NSD1: variants seen among roughly 807,000 people sequenced by gnomAD.
The protein encoded by NSD1 is histone-lysine N-methyltransferase, H3 lysine-36 specific.
In NSD1, 26 loss-of-function variants were observed where a neutral mutation model predicts 242.7. The observed-to-expected ratio is 0.11, with a 90% CI of 0.08 to 0.15. The LOEUF (loss-of-function observed/expected upper bound fraction) is 0.15, where lower values mean the gene tolerates loss of function less well. Ranked by LOEUF, NSD1 falls within the 10% of genes least tolerant of loss-of-function variation. The pLI is 1.00. For synonymous variants in NSD1, 1,106 were observed against 1,178.1 expected (o/e 0.94, Z 1.25); for missense variants, 2,495 against 3,272.8 (o/e 0.76, Z 5.80).
chr5:177,262,772 G>A (rs999934345), intron 14 of NSD1, among the ~76,000 whole-genome samples: 1 of 152,174 alleles, frequency 6.6e-6, no homozygotes, highest in Non-Finnish European at 1.5e-5. Flanking sequence ...CCAGCTACTT[G>A]GGAAGCTGAG....
chr5:177,184,694 GGTGTGGGTGT>G (rs933170021), intron 2 of NSD1, among the ~76,000 whole-genome samples: 3 of 151,998 alleles, frequency 2.0e-5, no homozygotes, highest in African/African-American at 4.8e-5. Context: ...ATGTCTGCCT[GGTGTGGGTGT>G]GTGTGGGTGT....
chr5:177,141,085 C>T (rs534628422), intron 2 of NSD1, among the ~76,000 whole-genome samples: 38 of 150,162 alleles, frequency 2.5e-4, no homozygotes, highest in African/African-American at 9.3e-4. Context: ...TGCAGTGGGG[C>T]GATCTCGGCT....
In NSD1 at chr5:177,266,079, C is replaced by T; in HGVS notation, c.5147-1483C>T. 3 of 1,122,332 alleles carry T rather than the reference C, an allele frequency of 2.7e-6. 1 individual carries two copies. The South Asian group carries it at 3.7e-5, about 14-fold the overall frequency. 69.5% of individuals were successfully genotyped at this position (1,122,332 alleles called of 1,614,324 possible). A position where few individuals can be genotyped will look rare whatever the true frequency, so the allele number is the denominator to read the frequency against. ...ATCTTGTAGTCTTTGTACTGCCGGT[C>T]CTCGGTGGCCGTCACATACAGTGTG... On this transcript the variant is annotated intron_variant, in intron 14 of 22. Transcript: ENST00000439151.
intron 14 of NSD1, among the ~76,000 whole-genome samples, chr5:177,264,028 A>ATTTTTTTT (rs61538775): frequency 0.013 from 1,029 of 76,322 alleles, 192 homozygotes; most frequent in African/African-American, 0.019. Context: ...CAATGAACCA[A>ATTTTTTTT]TTTTTTTTTT....
Position 177,195,707 on chromosome 5 carries a change from G to A in NSD1, c.1063+3688G>A, listed in dbSNP as rs549325955. 3.3e-5 allele frequency among the ~76,000 whole-genome samples: 5 copies of A among 152,218 alleles called. No homozygotes were observed. The South Asian group carries it at 1.0e-3, about 32-fold the overall frequency. On this transcript the variant is annotated intron_variant, in intron 3 of 22. Transcript: ENST00000439151. Reference sequence around the variant, plus strand: ...TGGTCTGAAACTCCTGGGCTCAAGCGATCTGCCCGCCTCGGCCTCCCAAAG... The same window carrying A: ...TGGTCTGAAACTCCTGGGCTCAAGCAATCTGCCCGCCTCGGCCTCCCAAAG...
chr5:177,206,156 C>A (rs1211222141), intron 4 of NSD1, among the ~76,000 whole-genome samples: 1 of 152,138 alleles, frequency 6.6e-6, no homozygotes, highest in Non-Finnish European at 1.5e-5. Context: ...TATGCCACCA[C>A]ACCTGGCTAA....
intron 2 of NSD1, among the ~76,000 whole-genome samples, chr5:177,164,523 T>A (rs934770546): frequency 6.6e-6 from 1 of 152,188 alleles, no homozygotes; most frequent in African/African-American, 2.4e-5. Context: ...TGTAATCGTT[T>A]ATTAACAATC....
At chr5:177,291,858 A>G in intron 21 of NSD1, 96 bp from the exon 22 acceptor site, 2 of 1,118,988 alleles carry the variant, frequency 1.8e-6, no homozygotes, top group Non-Finnish European at 2.7e-6. Flanking sequence ...CTCTTTTCCC[A>G]GAGAAGAGAA....
At position 177,286,362 on chromosome 5, in the gene NSD1, A is replaced by G. The variant is rs1028024979; in HGVS notation, c.6151+2434A>G. Among the ~76,000 whole-genome samples, 10 of 152,210 alleles carry G rather than the reference A, an allele frequency of 6.6e-5. No homozygotes were observed. The South Asian group carries it at 1.0e-3, about 16-fold the overall frequency. ...ATGATGACACCAAGGACACTTGAGC[A>G]TCACTGTGCACTGCACTCTGCTTAT... On this transcript the variant is annotated intron_variant, in intron 20 of 22. Coordinates refer to ENST00000439151, the MANE Select transcript of NSD1 (RefSeq NM_022455.5).
chr5:177,184,406 G>A (rs1043669958), intron 2 of NSD1, among the ~76,000 whole-genome samples: 12 of 152,002 alleles, frequency 7.9e-5, no homozygotes, highest in African/African-American at 2.9e-4. Context: ...TTTGCCATTC[G>A]TATGTCTTTT....
intron 3 of NSD1, among the ~76,000 whole-genome samples, chr5:177,203,809 T>C (rs1201249299): frequency 6.6e-6 from 1 of 152,202 alleles, no homozygotes; most frequent in Non-Finnish European, 1.5e-5. Context: ...AGACTGATAG[T>C]GAAGGAAACT....
At position 177,294,712 on chromosome 5, in the gene NSD1, A is replaced by T. The variant is rs1760127542; in HGVS notation, c.7344A>T (p.Ser2448=). The T allele has an allele frequency of 6.2e-7, 1 of 1,614,090 alleles. No homozygotes were observed. Among genetic ancestry groups the T allele is most frequent in the African/African-American group, 1.3e-5 (1 of 74,942 alleles). The change falls in exon 23 of 23, where the codon TCA becomes TCT. Residue 2448 remains serine, a synonymous_variant. Coordinates refer to ENST00000439151, the MANE Select transcript of NSD1 (RefSeq NM_022455.5). ...GGCCTGTGGACCAGAATACTCAGTC[A>T]AAAAATAGAGCTGCTTTGGTGATGG... ...ALRPVDQNTQ[S]KNRAALVMDL...
chr5:177,266,405 C>A, intron 14 of NSD1: 1 of 648,126 alleles, frequency 1.5e-6, no homozygotes, highest in African/African-American at 1.8e-5. Context: ...GTGTCCGAGC[C>A]CACATCCAGC....
Position 177,175,115 on chromosome 5 carries a change from C to A in NSD1, c.928-16769C>A, listed in dbSNP as rs147054363. On this transcript the variant is annotated intron_variant, in intron 2 of 22. Transcript: ENST00000439151. ...CTCGATCTCCTGACCTCGTGATCCA[C>A]TCGCCTCAGCCTCCCAAAGTGCTGG... 4.2e-3 allele frequency among the ~76,000 whole-genome samples: 643 copies of A among 152,210 alleles called. 3 individuals carry two copies. The highest frequency in any genetic ancestry group is 0.014 in the African/African-American group (587 of 41,528).
chr5:177,185,016 TTAA>T (rs771321948), intron 2 of NSD1, among the ~76,000 whole-genome samples: 28 of 152,138 alleles, frequency 1.8e-4, no homozygotes, highest in Non-Finnish European at 3.5e-4. Context: ...TTATAACAAC[TTAA>T]TATTATGGGA....
At chr5:177,289,053 C>G (rs927236109) in intron 21 of NSD1, 128 bp downstream of exon 21, 4 of 739,346 alleles carry the variant, frequency 5.4e-6, no homozygotes, top group Non-Finnish European at 9.5e-6. Context: ...GGCATGGTGG[C>G]TCATGCCTGT....
chr5:177,256,526 A>G (rs921029278), intron 12 of NSD1, among the ~76,000 whole-genome samples: 2 of 152,076 alleles, frequency 1.3e-5, no homozygotes, highest in Non-Finnish European at 2.9e-5. Context: ...CAAGCCAGCC[A>G]CTCACCTCAG....
chr5:177,274,555 A>G (rs1033500881), intron 17 of NSD1, among the ~76,000 whole-genome samples: 2 of 152,190 alleles, frequency 1.3e-5, no homozygotes, highest in South Asian at 4.1e-4. Context: ...ATCATAAAAC[A>G]TGAAAGAATA....
chr5:177,295,541 TAAAAAA>T lies in NSD1; in HGVS notation c.*86_*91del, dbSNP rs199928842. ...GGAAATCTTTTCTTTCTTTCCCCCT[TAAAAAA>T]AAACACATCTGCCCCGAACACTTTC... On this transcript the variant is annotated 3_prime_UTR_variant, in exon 23 of 23. Transcript: ENST00000439151. This position sits in a 1 kb window ranked among gnomAD's most constrained non-coding sequence, Gnocchi z 4.3. 2.2e-6 allele frequency: 3 copies of T among 1,350,796 alleles called. No individual in the cohort carries two copies. The Admixed American group carries it at 6.1e-5, about 28-fold the overall frequency. The allele number at this position is 1,350,796 out of a possible 1,614,324, so 83.7% of individuals were successfully genotyped here. A position where few individuals can be genotyped will look rare whatever the true frequency, so the allele number is the denominator to read the frequency against.
Sources: allele counts gnomAD v4.1 joint callset (sites outside exome capture counted in the v4.1 genomes callset), GRCh38; gene constraint gnomAD v4.1.1; non-coding constraint Gnocchi (gnomAD v3.1); transcripts MANE v1.5; gene names NCBI Gene and HGNC (gene_info 2026-07-23, HGNC 2026-07-21).